The following DPYD variants were observed in gnomAD, a reference collection of about 807,000 sequenced individuals.
DPYD encodes the protein dihydropyrimidine dehydrogenase [NADP(+)].
In DPYD, 109 loss-of-function variants were observed where a neutral mutation model predicts 116.2. The observed-to-expected ratio is 0.94, with a 90% CI of 0.80 to 1.10. The LOEUF (loss-of-function observed/expected upper bound fraction) is 1.10. Ranked by LOEUF, DPYD falls within the 50% of genes least tolerant of loss-of-function variation. DPYD has a pLI of 0.00. For synonymous variants in DPYD, 440 were observed against 432.0 expected (o/e 1.02, Z -0.23); for missense variants, 1,302 against 1,254.5 (o/e 1.04, Z -0.57).
chr1:97,191,596 C>T (rs975923957), intron 20 of DPYD, among the ~76,000 whole-genome samples: 3 of 152,054 alleles, frequency 2.0e-5, no homozygotes, highest in African/African-American at 7.2e-5. Flanking sequence ...CATCATTACC[C>T]ATCTTTTATT....
chr1:97,495,532 T>C (rs1427806954), intron 13 of DPYD, among the ~76,000 whole-genome samples: 2 of 152,096 alleles, frequency 1.3e-5, no homozygotes, highest in Non-Finnish European at 2.9e-5. Flanking sequence ...ATTGTTGATT[T>C]TATTATTATT....
At chr1:97,156,811 T>C (rs1176102373) in intron 20 of DPYD, among the ~76,000 whole-genome samples, 1 of 152,046 alleles carries the variant, frequency 6.6e-6, no homozygotes. Context: ...TAAAGACACA[T>C]GCACACGTAT....
chr1:97,229,839 C>T (rs932752638), intron 19 of DPYD, among the ~76,000 whole-genome samples: 2 of 151,690 alleles, frequency 1.3e-5, no homozygotes, highest in Admixed American at 1.3e-4. Context: ...ATTTGGGAAC[C>T]AATATTTTAA....
intron 2 of DPYD, among the ~76,000 whole-genome samples, chr1:97,864,285 G>C (rs1278023603): frequency 6.6e-6 from 1 of 151,888 alleles, no homozygotes; most frequent in African/African-American, 2.4e-5. Context: ...GGCAGAGTGG[G>C]CTATATTAGA....
At position 97,494,118 on chromosome 1, in the gene DPYD, A is replaced by G. The variant is rs1196990317; in HGVS notation, c.1740+21608T>C. ...AATGCTTGACAAATAATATATACACAATAACTACCCAATGCTAGTTTCACA... is the reference window on the plus strand; with the variant it reads ...AATGCTTGACAAATAATATATACACGATAACTACCCAATGCTAGTTTCACA... On this transcript the variant is annotated intron_variant, in intron 13 of 22. Transcript: ENST00000370192. Among the ~76,000 whole-genome samples, 37 of 152,342 alleles carry G rather than the reference A, an allele frequency of 2.4e-4. 1 individual carries two copies. The highest frequency in any genetic ancestry group is 2.4e-3 in the Admixed American group (37 of 15,294).
At chr1:97,081,717 CTTTT>C (rs371355751) in intron 22 of DPYD, among the ~76,000 whole-genome samples, 29 of 136,452 alleles carry the variant, frequency 2.1e-4, no homozygotes, top group South Asian at 4.7e-4. Flanking sequence ...CTTTTCTTTT[CTTTT>C]TTTTTTTTTT....
chr1:97,271,492 C>T (rs750466099), intron 18 of DPYD, among the ~76,000 whole-genome samples: 1 of 152,040 alleles, frequency 6.6e-6, no homozygotes, highest in Non-Finnish European at 1.5e-5. Context: ...CCTCACCTGT[C>T]CTCTTAGAAG....
chr1:97,875,394 A>G (rs1399255762), intron 2 of DPYD, among the ~76,000 whole-genome samples: 1 of 151,996 alleles, frequency 6.6e-6, no homozygotes, highest in East Asian at 1.9e-4. Flanking sequence ...GATGGGCATT[A>G]AAACTATGGA....
chr1:97,552,263 A>C (rs1445425917), intron 11 of DPYD, among the ~76,000 whole-genome samples: 4 of 152,124 alleles, frequency 2.6e-5, no homozygotes, highest in African/African-American at 9.7e-5. Context: ...AGCACAGTGA[A>C]TTGTACACAG....
chr1:97,707,429 G>T (rs1005692541), intron 5 of DPYD, among the ~76,000 whole-genome samples: 1 of 146,006 alleles, frequency 6.8e-6, no homozygotes, highest in Non-Finnish European at 1.5e-5. Context: ...ATCTCCCAGT[G>T]CTATCCCTCC....
At chr1:97,869,260 A>T (rs1283828316) in intron 2 of DPYD, among the ~76,000 whole-genome samples, 1 of 151,834 alleles carries the variant, frequency 6.6e-6, no homozygotes, top group African/African-American at 2.4e-5. Context: ...GAAAGCTTCA[A>T]GGGTCTATGC....
At chr1:97,756,216 C>T (rs1211554151) in intron 3 of DPYD, among the ~76,000 whole-genome samples, 2 of 152,080 alleles carry the variant, frequency 1.3e-5, no homozygotes, top group Non-Finnish European at 2.9e-5. Context: ...TTACGTGCAT[C>T]TATTAGGATT....
intron 5 of DPYD, among the ~76,000 whole-genome samples, chr1:97,704,656 C>T (rs1210269137): frequency 1.3e-5 from 2 of 151,832 alleles, no homozygotes; most frequent in Non-Finnish European, 2.9e-5. Context: ...GTATCAAATT[C>T]CTAAGAGATT....
rs144718249 is a variant in DPYD at position 97,575,037 on chromosome 1, T to C, written c.1129-1067A>G. Among the ~76,000 whole-genome samples the C allele has an allele frequency of 3.0e-3, 464 of 152,286 alleles. 3 individuals are homozygous for C. Among genetic ancestry groups the C allele is most frequent in the African/African-American group, 0.011 (444 of 41,574 alleles). On this transcript the variant is annotated intron_variant, in intron 10 of 22. Coordinates refer to ENST00000370192, the MANE Select transcript of DPYD (RefSeq NM_000110.4). ...AACAACCTATCCAGAGCTAGTGCCA[T>C]GCATCACAATCACCTGGAAGGCTAA...
intron 10 of DPYD, among the ~76,000 whole-genome samples, chr1:97,583,962 A>G (rs1320892972): frequency 6.6e-6 from 1 of 152,066 alleles, no homozygotes; most frequent in Non-Finnish European, 1.5e-5. Context: ...TGGTATTTCT[A>G]GTTCTAGATC....
chr1:97,764,779 C>A (rs545037212), intron 3 of DPYD, among the ~76,000 whole-genome samples: 1 of 152,006 alleles, frequency 6.6e-6, no homozygotes, highest in South Asian at 2.1e-4. Context: ...AGATTTATTA[C>A]GTACTTCTCC....
At chr1:97,120,349 A>G (rs1652331697) in intron 20 of DPYD, among the ~76,000 whole-genome samples, 1 of 152,170 alleles carries the variant, frequency 6.6e-6, no homozygotes, top group Admixed American at 6.6e-5. Context: ...CCGATTATCA[A>G]TTTCCATTTC....
intron 13 of DPYD, among the ~76,000 whole-genome samples, chr1:97,509,169 C>T (rs1183283606): frequency 2.0e-5 from 3 of 151,894 alleles, no homozygotes; most frequent in Admixed American, 6.6e-5. Context: ...GCCAAACTGT[C>T]GAAACAAGAG....
intron 3 of DPYD, among the ~76,000 whole-genome samples, chr1:97,772,450 T>C (rs557853340): frequency 2.0e-5 from 3 of 152,188 alleles, no homozygotes; most frequent in Non-Finnish European, 4.4e-5. Context: ...GAGAAGCCAC[T>C]TGAATTTGGA....
Sources: gnomAD v4.1 joint callset for allele counts (sites outside exome capture counted in the v4.1 genomes callset) on GRCh38, gnomAD v4.1.1 for gene constraint, MANE v1.5 for transcripts, NCBI Gene and HGNC (gene_info 2026-07-23, HGNC 2026-07-21) for gene names.